TBXAS1: variants seen among roughly 807,000 people sequenced by gnomAD.
The protein encoded by TBXAS1 is thromboxane-A synthase.
Under a neutral mutation model 60.7 loss-of-function variants are expected in TBXAS1, and 48 were observed. The ratio of observed to expected loss-of-function variants is 0.79; its 90% CI spans 0.63 to 1.01. The LOEUF (loss-of-function observed/expected upper bound fraction) is 1.01. TBXAS1 is among the 50% of genes least tolerant of loss of function. TBXAS1 has a pLI of 0.00. For synonymous variants in TBXAS1, 287 were observed against 269.7 expected (o/e 1.06, Z -0.63); for missense variants, 685 against 686.3 (o/e 1.00, Z 0.02).
chr7:139,936,619 G>A (rs906352057), intron 5 of TBXAS1, among the ~76,000 whole-genome samples: 2 of 152,132 alleles, frequency 1.3e-5, no homozygotes, highest in Admixed American at 1.3e-4. Context: ...AACTGCAACA[G>A]TGTCTGTTGG....
At chr7:139,906,160 A>G in intron 3 of TBXAS1, 1 of 348,280 alleles carries the variant, frequency 2.9e-6, no homozygotes, top group Non-Finnish European at 5.6e-6. Flanking sequence ...GGTTCAAGCA[A>G]TTCTCCTGCC....
intron 3 of TBXAS1, 137 bp downstream of exon 3, chr7:139,875,774 C>A: frequency 2.5e-6 from 3 of 1,191,218 alleles, no homozygotes; most frequent in Non-Finnish European, 2.4e-6. Context: ...TTTCAAAGGG[C>A]CCACAAAGAG....
At chr7:139,805,933 CTTT>C (rs35769530) in intron 4 of TBXAS1, among the ~76,000 whole-genome samples, 5 of 104,768 alleles carry the variant, frequency 4.8e-5, no homozygotes, top group Non-Finnish European at 9.0e-5. Context: ...CAAATTTTTG[CTTT>C]TTTTTTTTTT....
intron 3 of TBXAS1, chr7:139,876,014 C>G (rs1181689027): frequency 1.0e-5 from 3 of 289,158 alleles, no homozygotes; most frequent in Non-Finnish European, 2.0e-5. Flanking sequence ...CAGGTCTTAC[C>G]CCATGAGCAT....
chr7:139,851,649 A>C (rs34831638), intron 1 of TBXAS1, among the ~76,000 whole-genome samples: 46 of 152,240 alleles, frequency 3.0e-4, no homozygotes, highest in Non-Finnish European at 5.1e-4. Flanking sequence ...AAAGAATGGA[A>C]CAACTACATT....
chr7:139,951,759 C>G (rs756618827), intron 5 of TBXAS1, among the ~76,000 whole-genome samples: 1 of 134,208 alleles, frequency 7.5e-6, no homozygotes, highest in Non-Finnish European at 1.6e-5. Flanking sequence ...GGCAACAAAG[C>G]AAGACTCTGT....
At position 140,016,250 on chromosome 7, in the gene TBXAS1, C is replaced by T. The variant is rs1019593715; in HGVS notation, c.1364+390C>T. 7 of 336,846 alleles carry T rather than the reference C, an allele frequency of 2.1e-5. No homozygotes were observed. The Admixed American group carries it at 3.1e-4, about 15-fold the overall frequency. 20.9% of individuals were successfully genotyped at this position (336,846 alleles called of 1,614,324 possible). A position where few individuals can be genotyped will look rare whatever the true frequency, so the allele number is the denominator to read the frequency against. On this transcript the variant is annotated intron_variant, in intron 11 of 12. Coordinates refer to ENST00000448866, the MANE Select transcript of TBXAS1 (RefSeq NM_001061.7). ...GGCTGAGGCAGGAGAATGGCGTGAA[C>T]CCAGGAGGCGGAGCTTGCAGTGAGC...
intron 5 of TBXAS1, among the ~76,000 whole-genome samples, chr7:139,951,299 G>T (rs1250415905): frequency 6.6e-6 from 1 of 152,136 alleles, no homozygotes; most frequent in Non-Finnish European, 1.5e-5. Flanking sequence ...TGCGATTGAC[G>T]TGTAGGGTAC....
At chr7:139,917,237 A>G (rs1205543523) in intron 4 of TBXAS1, among the ~76,000 whole-genome samples, 8 of 152,180 alleles carry the variant, frequency 5.3e-5, no homozygotes. Flanking sequence ...ACAGGTGTGC[A>G]ACCTCATTTG....
At chr7:139,792,372 G>C (rs948292415) in intron 4 of TBXAS1, among the ~76,000 whole-genome samples, 1 of 152,152 alleles carries the variant, frequency 6.6e-6, no homozygotes, top group Admixed American at 6.5e-5. Context: ...TCCAAGGAGA[G>C]CCAGCCAGCT....
intron 3 of TBXAS1, among the ~76,000 whole-genome samples, chr7:139,887,547 T>C (rs1170395465): frequency 3.3e-5 from 5 of 152,238 alleles, no homozygotes; most frequent in Admixed American, 2.6e-4. Context: ...GTAACTGGTT[T>C]ATTTCACTTA....
chr7:139,982,006 G>T (rs1037821999), intron 9 of TBXAS1, among the ~76,000 whole-genome samples: 1 of 152,152 alleles, frequency 6.6e-6, no homozygotes, highest in East Asian at 1.9e-4. Context: ...AAGTTTTGTA[G>T]TTTGAAGCAG....
At chr7:139,935,714 C>T (rs1393140566) in intron 4 of TBXAS1, among the ~76,000 whole-genome samples, 2 of 152,106 alleles carry the variant, frequency 1.3e-5, no homozygotes, top group Non-Finnish European at 2.9e-5. Flanking sequence ...CTTCCCTCTC[C>T]CTCCACCCAT....
At chr7:139,940,627 C>T (rs1808214558) in intron 5 of TBXAS1, among the ~76,000 whole-genome samples, 1 of 152,134 alleles carries the variant, frequency 6.6e-6, no homozygotes, top group Non-Finnish European at 1.5e-5. Flanking sequence ...TGAACCCCCA[C>T]CCTCCACTGC....
rs571001212 is a variant in TBXAS1 at position 139,957,536 on chromosome 7, G to C, written c.689-98G>C. 4 of 1,569,192 alleles carry C rather than the reference G, an allele frequency of 2.5e-6. No homozygotes were observed. In the African/African-American group the frequency reaches 4.0e-5, roughly 16 times the overall value. ...GAGGGCAGGACTCCAAAACGGCTCC[G>C]ATTCCAGGCCCGCGTTTGCTTCCCG... On this transcript the variant is annotated intron_variant, in intron 7 of 12. Transcript: ENST00000448866.
intron 3 of TBXAS1, among the ~76,000 whole-genome samples, chr7:139,894,997 C>T (rs1472277426): frequency 6.6e-6 from 1 of 152,146 alleles, no homozygotes; most frequent in Non-Finnish European, 1.5e-5. Flanking sequence ...AGTATAGTGG[C>T]TGACTTCTAC....
rs962798889 is a variant in TBXAS1 at position 139,934,181 on chromosome 7, C to CT, written c.334-2000dup. Among the ~76,000 whole-genome samples, 318 of 149,414 alleles carry CT rather than the reference C, an allele frequency of 2.1e-3. 4 individuals are homozygous for CT. The Middle Eastern group carries it at 0.024, about 11-fold the overall frequency. Reference sequence around the variant, plus strand: ...AACTCCATGAGGGCCAATGCAAAGTCTTTTTTTTTTCTTTTGTTTTTTTTG... The same window carrying CT: ...AACTCCATGAGGGCCAATGCAAAGTCTTTTTTTTTTTCTTTTGTTTTTTTTG... On this transcript the variant is annotated intron_variant, in intron 4 of 12. Coordinates refer to ENST00000448866, the MANE Select transcript of TBXAS1 (RefSeq NM_001061.7).
chr7:139,873,941 C>A (rs557834521), intron 2 of TBXAS1, among the ~76,000 whole-genome samples: 10 of 152,126 alleles, frequency 6.6e-5, no homozygotes, highest in Non-Finnish European at 1.3e-4. Context: ...CTAGAATTTC[C>A]CCCATCCCTA....
chr7:140,003,813 C>T (rs371429771), intron 9 of TBXAS1, among the ~76,000 whole-genome samples: 7 of 152,180 alleles, frequency 4.6e-5, no homozygotes, highest in African/African-American at 4.8e-5. Flanking sequence ...TGTTAAGATT[C>T]GTTTGGTTGC....
Sources: allele counts gnomAD v4.1 joint callset (sites outside exome capture counted in the v4.1 genomes callset), GRCh38; gene constraint gnomAD v4.1.1; transcripts MANE v1.5; gene names NCBI Gene and HGNC (gene_info 2026-07-23, HGNC 2026-07-21).